RPS6KL1: variants seen among roughly 807,000 people sequenced by gnomAD.
RPS6KL1 encodes ribosomal protein S6 kinase like 1, also known as ribosomal protein S6 kinase-like 1.
Under a neutral mutation model 57.0 loss-of-function variants are expected in RPS6KL1, and 41 were observed. The observed-to-expected ratio is 0.72, with a 90% CI of 0.56 to 0.93. The LOEUF is 0.93. Among genes scored for constraint, RPS6KL1 ranks in the 40% least tolerant of loss-of-function variants. RPS6KL1 has a pLI of 0.00. For synonymous variants in RPS6KL1, 287 were observed against 309.7 expected, an observed-to-expected ratio of 0.93 and a Z score of 0.77; for missense variants, 697 against 727.7, an observed-to-expected ratio of 0.96 and a Z score of 0.49.
At chr14:74,916,927 T>C (rs781389789) in intron 5 of RPS6KL1, among the ~76,000 whole-genome samples, 1 of 152,166 alleles carries the variant, frequency 6.6e-6, no homozygotes, top group Non-Finnish European at 1.5e-5. Context: ...ACACCTATGG[T>C]TCAGCGGGAT....
Position 74,909,672 on chromosome 14 carries a change from T to G in RPS6KL1, c.1141A>C (p.Thr381Pro). The G allele has an allele frequency of 6.2e-7, 1 of 1,610,200 alleles. No homozygotes were observed. The highest frequency in any genetic ancestry group is 1.3e-5 in the African/African-American group (1 of 75,064). The change falls in exon 8 of 12, where the codon ACC (threonine) becomes CCC (proline). Residue 381 changes from threonine (T) to proline (P), a missense_variant. Transcript: ENST00000557413. ...DGAGRGCGRA[T>P]WSVREEQVKQ... ...ACCTGCTCCTCTCTCACACTCCAGG[T>G]GGCCCTGCCACAGCCCCGGCCGGCC... is the stretch of plus-strand genomic sequence containing the variant.
At chr14:74,914,804 C>A (rs1886578339) in intron 5 of RPS6KL1, among the ~76,000 whole-genome samples, 1 of 152,210 alleles carries the variant, frequency 6.6e-6, no homozygotes, top group African/African-American at 2.4e-5. Context: ...TCTCTGCCTC[C>A]CAAGTTCAAG....
chr14:74,904,096 CATAAG>C lies in RPS6KL1; in HGVS notation c.*2913_*2917del, dbSNP rs1397678582. The C allele has an allele frequency of 6.6e-6, 1 of 152,160 alleles. No homozygotes were observed. 9.4% of individuals were successfully genotyped at this position (152,160 alleles called of 1,614,324 possible). ...ATACATTTAATACATTTTAGGGAGA[CATAAG>C]ATACCAGTCAGTACATGTAAGATGT... On this transcript the variant is annotated 3_prime_UTR_variant, in exon 12 of 12. Coordinates refer to ENST00000557413, the MANE Select transcript of RPS6KL1 (RefSeq NM_031464.5).
intron 7 of RPS6KL1, 26 bp from the exon 8 acceptor site, chr14:74,910,174 GC>G (rs774652484): frequency 9.3e-6 from 14 of 1,497,362 alleles, no homozygotes; most frequent in Non-Finnish European, 1.2e-5. Flanking sequence ...GGAGCGGTGA[GC>G]GTGGGGACAG....
In RPS6KL1 at chr14:74,907,454, G is replaced by A. The variant is rs745976375; in HGVS notation, c.1520C>T (p.Ala507Val). The A allele has an allele frequency of 5.1e-6, 8 of 1,583,706 alleles. No homozygotes were observed. The highest frequency in any genetic ancestry group is 4.6e-5 in the East Asian group (2 of 43,480). Residue 507 changes from alanine to valine, a missense_variant, in exon 11 of 12, where the codon GCG becomes GTG. Coordinates refer to ENST00000557413, the MANE Select transcript of RPS6KL1 (RefSeq NM_031464.5). ...CCTCACCTCAGTCAGCAGAGAGGCC[G>A]CTGGGCGACTGAGCCACTCGGGCAG... ...LQLPEWLSRP[A>V]ASLLTELLQF...
At chr14:74,912,902 A>T (rs571314226) in intron 5 of RPS6KL1, among the ~76,000 whole-genome samples, 76 of 152,346 alleles carry the variant, frequency 5.0e-4, no homozygotes, top group African/African-American at 1.8e-3. Flanking sequence ...CATGGTGGGC[A>T]GGGGCGGGCC....
At chr14:74,910,824 C>G (rs942526843) in intron 7 of RPS6KL1, 2 of 185,038 alleles carry the variant, frequency 1.1e-5, no homozygotes, top group African/African-American at 4.7e-5. Context: ...GTCCCCTGGT[C>G]TGTGCTGTAC....
Position 74,905,301 on chromosome 14 carries a change from T to TTG in RPS6KL1, c.*1711_*1712dup, listed in dbSNP as rs1389080684. On this transcript the variant is annotated 3_prime_UTR_variant, in exon 12 of 12. Coordinates refer to ENST00000557413, the MANE Select transcript of RPS6KL1 (RefSeq NM_031464.5). The stretch of plus-strand genomic sequence containing the variant: ...GGAGAGTAGCAGAAGGAACACTAAC[T>TTG]TGCAACTCTGGCTAGGTTGTGTCCT... The TTG allele has an allele frequency of 6.6e-6, 1 of 152,140 alleles. No homozygotes were observed. Among genetic ancestry groups the TTG allele is most frequent in the Non-Finnish European group, 1.5e-5 (1 of 68,022 alleles). The allele number at this position is 152,140 out of a possible 1,614,324, so 9.4% of individuals were successfully genotyped here.
At chr14:74,911,654 GT>G (rs1193683167) in intron 6 of RPS6KL1, 139 bp downstream of exon 6, 30 of 800,736 alleles carry the variant, frequency 3.7e-5, no homozygotes, top group Non-Finnish European at 6.0e-5. Context: ...CATCTGGAAA[GT>G]GGGGCATGTT....
In RPS6KL1 at chr14:74,905,101, A is replaced by AT. The variant is rs1427846920; in HGVS notation, c.*1912dup. On this transcript the variant is annotated 3_prime_UTR_variant, in exon 12 of 12. Transcript: ENST00000557413. Reference sequence around the variant, plus strand: ...CTGGTAAACCTGCAAAATAGGCATTATTTACCCCATTTTATCGAAAGGAGG... The same window carrying AT: ...CTGGTAAACCTGCAAAATAGGCATTATTTTACCCCATTTTATCGAAAGGAGG... 1 of 152,296 alleles carries AT rather than the reference A, an allele frequency of 6.6e-6. No individual in the cohort carries two copies. The highest frequency in any genetic ancestry group is 1.9e-4 in the East Asian group (1 of 5,190). 9.4% of individuals were successfully genotyped at this position (152,296 alleles called of 1,614,324 possible). A position where few individuals can be genotyped will look rare whatever the true frequency, so the allele number is the denominator to read the frequency against.
intron 3 of RPS6KL1, 79 bp from the exon 4 acceptor site, chr14:74,920,048 T>C: frequency 1.3e-6 from 2 of 1,559,120 alleles, no homozygotes. Context: ...GCCTGCCCTC[T>C]ACCCTCCCAA....
At chr14:74,911,137 G>T (rs912464343) in intron 7 of RPS6KL1, 111 bp downstream of exon 7, 4 of 1,066,980 alleles carry the variant, frequency 3.7e-6, no homozygotes, top group Non-Finnish European at 1.4e-6. Flanking sequence ...CTCCCAAAGT[G>T]CTGGGATTAC....
chr14:74,911,447 C>T lies in RPS6KL1; in HGVS notation c.532-67G>A, dbSNP rs1885961308. On this transcript the variant is annotated intron_variant, in intron 6 of 11. Coordinates refer to ENST00000557413, the MANE Select transcript of RPS6KL1 (RefSeq NM_031464.5). The stretch of plus-strand genomic sequence containing the variant: ...GAGACTGCTGCTGTTAGGGGACCTC[C>T]TAGCCCTGGCTTCAGGGGCACCCGA... 11 of 1,555,646 alleles carry T rather than the reference C, an allele frequency of 7.1e-6. No homozygotes were observed. The South Asian group carries it at 1.1e-4, about 16-fold the overall frequency.
At chr14:74,919,189 C>T (rs1268138104) in intron 4 of RPS6KL1, among the ~76,000 whole-genome samples, 1 of 152,194 alleles carries the variant, frequency 6.6e-6, no homozygotes, top group East Asian at 1.9e-4. Context: ...GATGCAGATG[C>T]TCCCAAGGTG....
In RPS6KL1 at chr14:74,906,126, T is replaced by TAAAC. The variant is rs1269445082; in HGVS notation, c.*884_*887dup. 1.5e-5 allele frequency: 3 copies of TAAAC among 198,184 alleles called. No individual in the cohort carries two copies. The highest frequency in any genetic ancestry group is 5.2e-5 in the Admixed American group (1 of 19,062). 12.3% of individuals were successfully genotyped at this position (198,184 alleles called of 1,614,324 possible). A position where few individuals can be genotyped will look rare whatever the true frequency, so the allele number is the denominator to read the frequency against. ...GAAGTCACAGTAGGCAGTGACATGGTAAACAGCCAGGGCCTGAGAGGGAGT... is the reference window on the plus strand; with the variant it reads ...GAAGTCACAGTAGGCAGTGACATGGTAAACAAACAGCCAGGGCCTGAGAGGGAGT... On this transcript the variant is annotated 3_prime_UTR_variant, in exon 12 of 12. Coordinates refer to ENST00000557413, the MANE Select transcript of RPS6KL1 (RefSeq NM_031464.5).
chr14:74,919,787 A>T, intron 4 of RPS6KL1, 58 bp downstream of exon 4: 2 of 1,585,634 alleles, frequency 1.3e-6, no homozygotes, highest in Non-Finnish European at 1.7e-6. Flanking sequence ...GGGCCTCCGC[A>T]GTCTCCCCTC....
At chr14:74,909,223 G>C in intron 8 of RPS6KL1, 33 bp from the exon 9 acceptor site, 1 of 1,593,202 alleles carries the variant, frequency 6.3e-7, no homozygotes, top group African/African-American at 1.3e-5. Flanking sequence ...GGAGGGGACA[G>C]ATTGAGGACA....
At chr14:74,920,608 A>C (rs569551843) in intron 3 of RPS6KL1, among the ~76,000 whole-genome samples, 7 of 152,298 alleles carry the variant, frequency 4.6e-5, no homozygotes, top group African/African-American at 1.7e-4. Context: ...TTCTTTCTGG[A>C]ACTCTAGCCA....
chr14:74,906,346 C>G lies in RPS6KL1; in HGVS notation c.*668G>C. 2.9e-6 allele frequency: 1 copy of G among 348,448 alleles called. No homozygotes were observed. 21.6% of individuals were successfully genotyped at this position (348,448 alleles called of 1,614,324 possible). On this transcript the variant is annotated 3_prime_UTR_variant, in exon 12 of 12. Transcript: ENST00000557413. Reference sequence around the variant, plus strand: ...TCCCCCCATTACTCTTATTTTCTTCCCCTCCCTTTTGCTCTCCCAAGTCTG... The same window carrying G: ...TCCCCCCATTACTCTTATTTTCTTCGCCTCCCTTTTGCTCTCCCAAGTCTG...
Sources: gnomAD v4.1 joint callset for allele counts (sites outside exome capture counted in the v4.1 genomes callset) on GRCh38, gnomAD v4.1.1 for gene constraint, MANE v1.5 for transcripts, NCBI Gene and HGNC (gene_info 2026-07-23, HGNC 2026-07-21) for gene names.